Variants in SLC6A2 observed in about 807,000 individuals in gnomAD.
SLC6A2 encodes sodium-dependent noradrenaline transporter.
In SLC6A2, 26 loss-of-function variants were observed where a neutral mutation model predicts 71.7. That is an observed-to-expected ratio of 0.36 (90% CI 0.27 to 0.50). The LOEUF (loss-of-function observed/expected upper bound fraction) is 0.50, where lower values mean the gene tolerates loss of function less well. SLC6A2 is among the 20% of genes least tolerant of loss of function. The pLI, the probability that SLC6A2 is intolerant of heterozygous loss-of-function variation, is 0.96. For synonymous variants in SLC6A2, 363 were observed against 337.9 expected, an observed-to-expected ratio of 1.07 and a Z score of -0.82; for missense variants, 581 against 803.9, an observed-to-expected ratio of 0.72 and a Z score of 3.35.
At position 55,698,506 on chromosome 16, in the gene SLC6A2, C is replaced by T; in HGVS notation, c.1427C>T (p.Ala476Val). ...IYVLTLLDTF[A>V]AGTSILFAVL... is the part of the protein sequence containing the mutation. ...GTCTTGACCCTCCTGGACACCTTTG[C>T]TGCGGGCACCTCCATCCTTTTTGCT... Residue 476 changes from alanine (A) to valine (V), a missense_variant, in exon 11 of 15, where the codon GCT becomes GTT. Around this residue, in one of 5 missense-constraint regions of SLC6A2, gnomAD observed 334 missense variants for 449.0 expected, o/e 0.74. Coordinates refer to ENST00000568943, the MANE Select transcript of SLC6A2 (RefSeq NM_001172501.3). 3.7e-6 allele frequency: 6 copies of T among 1,614,130 alleles called. No homozygotes were observed. Among genetic ancestry groups the T allele is most frequent in the East Asian group, 2.2e-5 (1 of 44,866 alleles).
chr16:55,671,872 C>CCTTGGGTGT (rs1488342644), intron 3 of SLC6A2, 66 bp from the exon 4 acceptor site: 2 of 1,609,796 alleles, frequency 1.2e-6, no homozygotes, highest in Non-Finnish European at 1.7e-6. Context: ...TGGAGCCACA[C>CCTTGGGTGT]CCAAGGAGAG....
At chr16:55,691,873 T>C in intron 5 of SLC6A2, 45 bp from the exon 6 acceptor site, 3 of 1,611,788 alleles carry the variant, frequency 1.9e-6, no homozygotes, top group South Asian at 1.1e-5. Context: ...CGCCACGGGA[T>C]TGGGGCCAGA....
At chr16:55,662,550 G>A (rs1489526258) in intron 2 of SLC6A2, among the ~76,000 whole-genome samples, 3 of 152,192 alleles carry the variant, frequency 2.0e-5, no homozygotes, top group African/African-American at 7.2e-5. Context: ...ATTTCCCTCT[G>A]TGATGTAGTT....
At chr16:55,669,992 G>C (rs950581302) in intron 3 of SLC6A2, among the ~76,000 whole-genome samples, 2 of 152,186 alleles carry the variant, frequency 1.3e-5, no homozygotes, top group Non-Finnish European at 2.9e-5. Flanking sequence ...GAAGTACCCA[G>C]CACATACACC....
intron 8 of SLC6A2, among the ~76,000 whole-genome samples, chr16:55,695,647 C>T (rs1219583867): frequency 6.6e-6 from 1 of 152,194 alleles, no homozygotes; most frequent in Non-Finnish European, 1.5e-5. Context: ...TTTGGACTGT[C>T]CTCTCTGTAC....
intron 7 of SLC6A2, 83 bp from the exon 8 acceptor site, chr16:55,695,195 G>A: frequency 1.9e-6 from 3 of 1,549,870 alleles, no homozygotes; most frequent in South Asian, 1.1e-5. Context: ...GGGCCAGGCT[G>A]CAGGTTCTAT....
intron 2 of SLC6A2, among the ~76,000 whole-genome samples, chr16:55,661,346 C>A (rs1378332672): frequency 6.6e-6 from 1 of 152,136 alleles, no homozygotes; most frequent in African/African-American, 2.4e-5. Context: ...AGAAAGGTAA[C>A]GATAGACAAA....
At chr16:55,687,833 G>T (rs1420129240) in intron 5 of SLC6A2, among the ~76,000 whole-genome samples, 2 of 152,204 alleles carry the variant, frequency 1.3e-5, no homozygotes, top group African/African-American at 4.8e-5. Context: ...TCTGCAGGCA[G>T]GCTGATGCAA....
chr16:55,663,667 A>ATCTATTGT (rs1596950379), intron 2 of SLC6A2, among the ~76,000 whole-genome samples: 1 of 152,108 alleles, frequency 6.6e-6, no homozygotes, highest in Non-Finnish European at 1.5e-5. Flanking sequence ...CCATCTGTCT[A>ATCTATTGT]TCTATTGTTC....
chr16:55,700,454 TC>T (rs1567459467), intron 13 of SLC6A2, 148 bp downstream of exon 13: 1 of 667,878 alleles, frequency 1.5e-6, no homozygotes, highest in African/African-American at 1.8e-5. Flanking sequence ...CAGGTTATTT[TC>T]CCCCATGAGC....
intron 2 of SLC6A2, 41 bp downstream of exon 2, chr16:55,657,009 C>G: frequency 6.2e-7 from 1 of 1,603,978 alleles, no homozygotes; most frequent in Non-Finnish European, 8.5e-7. Context: ...TCTGGGAGGT[C>G]CACTGTCTGC....
chr16:55,658,538 A>T (rs539206595), intron 2 of SLC6A2, among the ~76,000 whole-genome samples: 1 of 151,934 alleles, frequency 6.6e-6, no homozygotes, highest in Admixed American at 6.5e-5. Flanking sequence ...AAGGAGTGGG[A>T]TCACCATAGA....
chr16:55,696,322 G>T lies in SLC6A2; in HGVS notation c.1245G>T (p.Leu415=), dbSNP rs774974592. The T allele has an allele frequency of 6.2e-7, 1 of 1,608,768 alleles. No individual in the cohort carries two copies. Among genetic ancestry groups the T allele is most frequent in the Admixed American group, 1.7e-5 (1 of 60,024 alleles). ...TGTTTTTCGTCATGCTCCTGGCGCTGGGCCTTGACAGCTCAGTGAGTGACC... is the reference window on the plus strand; with the variant it reads ...TGTTTTTCGTCATGCTCCTGGCGCTTGGCCTTGACAGCTCAGTGAGTGACC... ...AVVFFVMLLA[L]GLDSSMGGME... Residue 415 remains leucine (L), a synonymous_variant, in exon 9 of 15, where the codon CTG becomes CTT. Coordinates refer to ENST00000568943, the MANE Select transcript of SLC6A2 (RefSeq NM_001172501.3).
chr16:55,681,645 T>G (rs1414349134), intron 4 of SLC6A2, among the ~76,000 whole-genome samples: 2 of 152,230 alleles, frequency 1.3e-5, no homozygotes, highest in Admixed American at 6.5e-5. Context: ...TGGAAACAAA[T>G]TTTAATTCCT....
Position 55,656,839 on chromosome 16 carries a change from C to T in SLC6A2, c.145C>T (p.Arg49Cys), listed in dbSNP as rs764328025. ...CGGCGTCCAGTGCCTGCTGGCGCCC[C>T]GCGACGGCGACGCGCAGCCCCGGGA... ...RNGVQCLLAPRDGDAQPRETW... is the reference protein window; with the variant it reads ...RNGVQCLLAPCDGDAQPRETW... Residue 49 changes from arginine to cysteine, a missense_variant, in exon 2 of 15, where the codon CGC (arginine) becomes TGC (cysteine). This residue lies in a region of SLC6A2 where 76 missense variants were observed against 79.9 expected (regional missense o/e 0.95). Coordinates refer to ENST00000568943, the MANE Select transcript of SLC6A2 (RefSeq NM_001172501.3). This position sits in a 1 kb window ranked among gnomAD's most constrained non-coding sequence, Gnocchi z 4.5. The T allele has an allele frequency of 1.2e-6, 2 of 1,613,606 alleles. No homozygotes were observed. The highest frequency in any genetic ancestry group is 2.2e-5 in the East Asian group (1 of 44,828).
intron 4 of SLC6A2, among the ~76,000 whole-genome samples, chr16:55,675,293 C>A (rs973199191): frequency 1.3e-5 from 2 of 152,198 alleles, no homozygotes; most frequent in African/African-American, 4.8e-5. Context: ...GCAGAAAGTA[C>A]CTGATACAAC....
intron 11 of SLC6A2, among the ~76,000 whole-genome samples, chr16:55,699,324 T>C (rs1178289719): frequency 6.6e-6 from 1 of 152,210 alleles, no homozygotes; most frequent in Non-Finnish European, 1.5e-5. Flanking sequence ...AGCCCAGGTT[T>C]CCCTCTGACA....
chr16:55,660,490 T>C (rs540599518), intron 2 of SLC6A2, among the ~76,000 whole-genome samples: 102 of 152,352 alleles, frequency 6.7e-4, no homozygotes, highest in Middle Eastern at 6.8e-3. Flanking sequence ...GGAGGCCTCC[T>C]GGCTTCTCTG....
intron 9 of SLC6A2, among the ~76,000 whole-genome samples, chr16:55,697,627 G>A (rs924596719): frequency 2.6e-5 from 4 of 152,234 alleles, no homozygotes; most frequent in Non-Finnish European, 5.9e-5. Flanking sequence ...CTGAGTGAGT[G>A]TCAGGAGACA....
Sources: gnomAD v4.1 joint callset for allele counts (sites outside exome capture counted in the v4.1 genomes callset) on GRCh38, gnomAD v4.1.1 for gene constraint, gnomAD v4.1.1 regional missense constraint, Gnocchi (gnomAD v3.1) non-coding constraint, MANE v1.5 for transcripts, NCBI Gene and HGNC (gene_info 2026-07-23, HGNC 2026-07-21) for gene names.